The following STXBP5L variants were observed in gnomAD, a reference collection of about 807,000 sequenced individuals.
STXBP5L encodes the protein syntaxin-binding protein 5-like.
Under a neutral mutation model 144.5 loss-of-function variants are expected in STXBP5L, and 65 were observed. The ratio of observed to expected loss-of-function variants is 0.45; its 90% CI spans 0.37 to 0.55. The LOEUF is 0.55. Ranked by LOEUF, STXBP5L falls within the 20% of genes least tolerant of loss-of-function variation. STXBP5L has a pLI of 0.00. For synonymous variants in STXBP5L, 505 were observed against 469.6 expected (o/e 1.08, Z -0.97); for missense variants, 1,298 against 1,405.5 (o/e 0.92, Z 1.22).
chr3:121,264,476 A>G (rs1053416324), intron 18 of STXBP5L, among the ~76,000 whole-genome samples: 40 of 152,062 alleles, frequency 2.6e-4, no homozygotes, highest in African/African-American at 8.9e-4. Flanking sequence ...TAAAACTCCC[A>G]TGGAGTTTTG....
At chr3:121,095,469 G>A (rs1437561095) in intron 5 of STXBP5L, among the ~76,000 whole-genome samples, 1 of 152,100 alleles carries the variant, frequency 6.6e-6, no homozygotes, top group Non-Finnish European at 1.5e-5. Context: ...ATATTTCTTG[G>A]AGGCTTTGTT....
intron 2 of STXBP5L, among the ~76,000 whole-genome samples, chr3:120,909,969 A>G (rs1708743301): frequency 6.6e-6 from 1 of 152,224 alleles, no homozygotes; most frequent in African/African-American, 2.4e-5. Context: ...TTAAGTGGGA[A>G]ATGAGCACAC....
chr3:121,084,450 A>C, intron 5 of STXBP5L, among the ~76,000 whole-genome samples: 1 of 152,132 alleles, frequency 6.6e-6, no homozygotes, highest in East Asian at 1.9e-4. Flanking sequence ...AAGTGAGAAC[A>C]TGTGGTGTTT....
intron 22 of STXBP5L, among the ~76,000 whole-genome samples, chr3:121,382,490 G>T (rs917965559): frequency 6.6e-6 from 1 of 151,944 alleles, no homozygotes; most frequent in Non-Finnish European, 1.5e-5. Flanking sequence ...CAATTCTTTT[G>T]ACTGGTGAGT....
chr3:121,328,654 G>A (rs1034195802), intron 20 of STXBP5L, among the ~76,000 whole-genome samples: 1 of 152,138 alleles, frequency 6.6e-6, no homozygotes, highest in Non-Finnish European at 1.5e-5. Context: ...GGAGGCTGAG[G>A]CAGAAGAATC....
intron 20 of STXBP5L, among the ~76,000 whole-genome samples, chr3:121,345,362 T>C (rs2044916640): frequency 6.6e-6 from 1 of 152,166 alleles, no homozygotes; most frequent in Admixed American, 6.6e-5. Flanking sequence ...GACTGCATAG[T>C]ATTCCATGCT....
chr3:121,018,523 CAAA>C (rs139946627), intron 3 of STXBP5L, among the ~76,000 whole-genome samples: 201 of 101,926 alleles, frequency 2.0e-3, no homozygotes, highest in South Asian at 5.5e-3. Context: ...ATCCATATAC[CAAA>C]AAAAAAAAAA....
intron 4 of STXBP5L, among the ~76,000 whole-genome samples, chr3:121,044,546 G>C (rs1003741140): frequency 2.8e-4 from 42 of 152,104 alleles, no homozygotes; most frequent in African/African-American, 9.7e-4. Context: ...GGACAACCAA[G>C]GTTCTGAAAG....
chr3:120,979,046 C>T (rs1353606787), intron 3 of STXBP5L, among the ~76,000 whole-genome samples: 4 of 152,178 alleles, frequency 2.6e-5, no homozygotes, highest in African/African-American at 7.2e-5. Flanking sequence ...TCTCCAGCTG[C>T]ATGCTCGGAG....
At chr3:120,977,821 T>A (rs528109304) in intron 3 of STXBP5L, among the ~76,000 whole-genome samples, 29 of 152,316 alleles carry the variant, frequency 1.9e-4, no homozygotes, top group Non-Finnish European at 4.0e-4. Context: ...TTTGGCTGGA[T>A]ATGAAATTCT....
At chr3:121,311,956 G>T (rs554332570) in intron 19 of STXBP5L, among the ~76,000 whole-genome samples, 10 of 152,122 alleles carry the variant, frequency 6.6e-5, no homozygotes, top group African/African-American at 2.4e-4. Flanking sequence ...TACAAGGCTA[G>T]AGTAACCAAA....
intron 5 of STXBP5L, among the ~76,000 whole-genome samples, chr3:121,076,556 C>G (rs148809401): frequency 6.6e-6 from 1 of 152,048 alleles, no homozygotes; most frequent in South Asian, 2.1e-4. Context: ...TACACTTAGC[C>G]AGGAGTCGAT....
chr3:120,971,028 C>T (rs890584799), intron 3 of STXBP5L, among the ~76,000 whole-genome samples: 3 of 152,174 alleles, frequency 2.0e-5, no homozygotes, highest in Middle Eastern at 3.4e-3. Context: ...TATTGTAGCC[C>T]TGCCATTGTT....
intron 3 of STXBP5L, among the ~76,000 whole-genome samples, chr3:121,034,553 TATCC>T (rs201153917): frequency 0.099 from 15,103 of 151,804 alleles, 1,160 homozygotes; most frequent in Admixed American, 0.2. Context: ...ATCATCTATC[TATCC>T]ATCCATCCAT....
intron 3 of STXBP5L, among the ~76,000 whole-genome samples, chr3:120,988,365 C>G (rs754813976): frequency 2.6e-5 from 4 of 151,742 alleles, no homozygotes; most frequent in Non-Finnish European, 5.9e-5. Context: ...GAATCATGAG[C>G]TCCTTAGAAG....
At chr3:121,110,814 A>G (rs2043948746) in intron 5 of STXBP5L, among the ~76,000 whole-genome samples, 1 of 152,128 alleles carries the variant, frequency 6.6e-6, no homozygotes. Context: ...TGATATCTTG[A>G]AGTACGTTTT....
In STXBP5L at chr3:121,358,832, T is replaced by C. The variant is rs77392054; in HGVS notation, c.2177-19884T>C. Among the ~76,000 whole-genome samples, 190 of 152,372 alleles carry C rather than the reference T, an allele frequency of 1.2e-3. 1 individual carries two copies. The East Asian group carries it at 0.028, about 23-fold the overall frequency. On this transcript the variant is annotated intron_variant, in intron 20 of 26. Coordinates refer to ENST00000471454, the MANE Select transcript of STXBP5L (RefSeq NM_001308330.2). The stretch of plus-strand genomic sequence containing the variant: ...CAAATGACAGGCTTTTATTCTTTGA[T>C]ATGATTGAATAGTACTCCATTGCAT...
At chr3:121,227,960 C>T (rs1002412316) in intron 11 of STXBP5L, among the ~76,000 whole-genome samples, 7 of 152,158 alleles carry the variant, frequency 4.6e-5, no homozygotes, top group African/African-American at 1.7e-4. Context: ...CTTTGAGGCT[C>T]TTCAGGGGGC....
intron 3 of STXBP5L, among the ~76,000 whole-genome samples, chr3:121,013,858 TAGTC>T (rs1393516238): frequency 5.9e-5 from 9 of 152,206 alleles, no homozygotes; most frequent in Admixed American, 4.6e-4. Flanking sequence ...TACATATGGT[TAGTC>T]AGTTTTCCCA....
Sources: gnomAD v4.1 joint callset for allele counts (sites outside exome capture counted in the v4.1 genomes callset) on GRCh38, gnomAD v4.1.1 for gene constraint, MANE v1.5 for transcripts, NCBI Gene and HGNC (gene_info 2026-07-23, HGNC 2026-07-21) for gene names.